The following ZNF500 variants were observed in gnomAD, a reference collection of about 807,000 sequenced individuals.
ZNF500 encodes zinc finger protein with KRAB and SCAN domains 18.
Under a neutral mutation model 30.1 loss-of-function variants are expected in ZNF500, and 31 were observed. That is an observed-to-expected ratio of 1.03 (90% CI 0.77 to 1.39). ZNF500 has a LOEUF of 1.39. ZNF500 is among the 40% of genes most tolerant of loss of function. The pLI is 0.00. For synonymous variants in ZNF500, 392 were observed against 282.0 expected (o/e 1.39, Z -3.91); for missense variants, 817 against 657.8 (o/e 1.24, Z -2.65).
chr16:4,763,924 G>A lies in ZNF500; in HGVS notation c.415-1168C>T, dbSNP rs970762326. On this transcript the variant is annotated intron_variant, in intron 2 of 5. Coordinates refer to ENST00000219478, the MANE Select transcript of ZNF500 (RefSeq NM_021646.4). Reference sequence around the variant, plus strand: ...CCAGCAGCACTGCCACAGGAAGAAAGGCAGCTGGTCAGCACTGCCCATGTG... The same window carrying A: ...CCAGCAGCACTGCCACAGGAAGAAAAGCAGCTGGTCAGCACTGCCCATGTG... The A allele has an allele frequency of 1.0e-5, 10 of 985,332 alleles. No homozygotes were observed. In the South Asian group the frequency reaches 4.7e-4, roughly 46 times the overall value. 61.0% of individuals were successfully genotyped at this position (985,332 alleles called of 1,614,324 possible). A position where few individuals can be genotyped will look rare whatever the true frequency, so the allele number is the denominator to read the frequency against.
Position 4,751,882 on chromosome 16 carries a change from T to TG in ZNF500, c.*493dup. On this transcript the variant is annotated 3_prime_UTR_variant, in exon 6 of 6. Coordinates refer to ENST00000219478, the MANE Select transcript of ZNF500 (RefSeq NM_021646.4). ...ATGATCATGGCACTGTATTCCCGCC[T>TG]GGGGGACACAGCAAGGCCCCGTCTC... The TG allele has an allele frequency of 4.7e-6, 1 of 212,198 alleles. No homozygotes were observed. The highest frequency in any genetic ancestry group is 7.7e-5 in the Admixed American group (1 of 12,912). The allele number at this position is 212,198 out of a possible 1,614,324, so 13.1% of individuals were successfully genotyped here.
Position 4,751,613 on chromosome 16 carries a change from C to T in ZNF500, c.*763G>A, listed in dbSNP as rs977423357. 37 of 1,535,162 alleles carry T rather than the reference C, an allele frequency of 2.4e-5. No homozygotes were observed. Among genetic ancestry groups the T allele is most frequent in the African/African-American group, 4.1e-5 (3 of 73,026 alleles). On this transcript the variant is annotated 3_prime_UTR_variant, in exon 6 of 6. Coordinates refer to ENST00000219478, the MANE Select transcript of ZNF500 (RefSeq NM_021646.4). Reference sequence around the variant, plus strand: ...GTACAGCAGGGCTCCCTGCAGCAGACGAGGGGTCCCTCAAATTCATGTGCA... The same window carrying T: ...GTACAGCAGGGCTCCCTGCAGCAGATGAGGGGTCCCTCAAATTCATGTGCA...
rs776183908 is a variant in ZNF500, at chr16:4,752,797, G to C, written c.1022C>G (p.Thr341Ser). The C allele has an allele frequency of 2.5e-6, 4 of 1,614,142 alleles. No homozygotes were observed. In the African/African-American group the frequency reaches 5.3e-5, roughly 22 times the overall value. Residue 341 changes from threonine (T) to serine (S), a missense_variant, in exon 6 of 6, where the codon ACC becomes AGC. Coordinates refer to ENST00000219478, the MANE Select transcript of ZNF500 (RefSeq NM_021646.4). The part of the protein sequence containing the change: ...GKGFSKTSHL[T>S]KHQRTHTGER... ...GCCCGTGTGTGTGCGCTGGTGCTTGGTCAAGTGGGACGTCTTGCTGAAGCC... is the reference window on the plus strand; with the variant it reads ...GCCCGTGTGTGTGCGCTGGTGCTTGCTCAAGTGGGACGTCTTGCTGAAGCC...
downstream of ZNF500, chr16:4,747,505 C>G: frequency 6.2e-7 from 1 of 1,613,290 alleles, no homozygotes; most frequent in Non-Finnish European, 8.5e-7. Context: ...ACATGAAGCT[C>G]TGTGCCAAGG....
chr16:4,750,520 CG>C lies in ZNF500; in HGVS notation c.*1855del, dbSNP rs1388760170. 6.7e-6 allele frequency: 1 copy of C among 149,112 alleles called. No individual in the cohort carries two copies. Among genetic ancestry groups the C allele is most frequent in the East Asian group, 2.0e-4 (1 of 5,018 alleles). 9.2% of individuals were successfully genotyped at this position (149,112 alleles called of 1,614,324 possible). ...TTTTTTTTTTTTTTGTGTGGAGTCT[CG>C]TTCTATCACCAGGCTGGAGTACAAC... On this transcript the variant is annotated 3_prime_UTR_variant, in exon 6 of 6. Coordinates refer to ENST00000219478, the MANE Select transcript of ZNF500 (RefSeq NM_021646.4).
intron 4 of ZNF500, among the ~76,000 whole-genome samples, chr16:4,762,002 G>A (rs139653241): frequency 0.02 from 3,031 of 152,316 alleles, 44 homozygotes; most frequent in Non-Finnish European, 0.031. Flanking sequence ...CAGCAGAGTA[G>A]GAGTCACCAC....
chr16:4,745,820 G>C (rs1488699142), downstream of ZNF500, among the ~76,000 whole-genome samples: 1 of 152,076 alleles, frequency 6.6e-6, no homozygotes, highest in Non-Finnish European at 1.5e-5. Context: ...AGGCATGTTG[G>C]TGCATGCCTG....
At chr16:4,747,131 C>A (rs1596488602), downstream of ZNF500, 2 of 1,249,986 alleles carry the variant, frequency 1.6e-6, no homozygotes, top group East Asian at 5.0e-5. Flanking sequence ...TCTTGCTGCA[C>A]CCACCGCACA....
chr16:4,762,734 T>C lies in ZNF500; in HGVS notation c.437A>G (p.Asp146Gly). 1.2e-6 allele frequency: 2 copies of C among 1,610,808 alleles called. No homozygotes were observed. The highest frequency in any genetic ancestry group is 2.2e-5 in the South Asian group (2 of 90,658). ...RQRGSELLSD[D>G]EVPLGIGGQF... ...TCCCCCTATCCCGAGGGGCACCTCG[T>C]CATCAGAAAGCAGCTCTGAGCCCTG... Residue 146 changes from aspartate to glycine, a missense_variant, in exon 3 of 6, where the codon GAC (aspartate) becomes GGC (glycine). By Grantham distance (94) the Asp-to-Gly change is moderately conservative. Transcript: ENST00000219478.
downstream of ZNF500, among the ~76,000 whole-genome samples, chr16:4,745,509 G>C (rs2082003672): frequency 6.6e-6 from 1 of 152,216 alleles, no homozygotes; most frequent in African/African-American, 2.4e-5. Context: ...TGGAGGCAGG[G>C]CCCCAGGGTC....
intron 2 of ZNF500, chr16:4,764,136 G>T (rs1018232025): frequency 2.0e-6 from 2 of 979,088 alleles, no homozygotes; most frequent in Non-Finnish European, 1.2e-6. Flanking sequence ...TGTGTCAGAA[G>T]GGTCCTGTCT....
At chr16:4,766,353 G>T (rs2082265412) in intron 1 of ZNF500, among the ~76,000 whole-genome samples, 1 of 152,242 alleles carries the variant, frequency 6.6e-6, no homozygotes, top group Non-Finnish European at 1.5e-5. Context: ...GCTGGGGGCA[G>T]TAGCTGACGC....
intron 5 of ZNF500, among the ~76,000 whole-genome samples, chr16:4,755,484 T>A (rs2082126583): frequency 6.6e-6 from 1 of 151,814 alleles, no homozygotes; most frequent in African/African-American, 2.4e-5. Flanking sequence ...ACCCAGCCAA[T>A]TTTTGTATTT....
chr16:4,760,868 T>C (rs1407279142), intron 4 of ZNF500, among the ~76,000 whole-genome samples: 1 of 152,014 alleles, frequency 6.6e-6, no homozygotes, highest in African/African-American at 2.4e-5. Flanking sequence ...CCGAGGCCCA[T>C]GCTCCACAGG....
At position 4,756,812 on chromosome 16, in the gene ZNF500, G is replaced by A. The variant is rs373172447; in HGVS notation, c.760+3680C>T. Reference sequence around the variant, plus strand: ...ATTACAGACGTGAGACACCGTGCCCGGCCCAAAAATTTTTTCAAAATTAGC... The same window carrying A: ...ATTACAGACGTGAGACACCGTGCCCAGCCCAAAAATTTTTTCAAAATTAGC... On this transcript the variant is annotated intron_variant, in intron 5 of 5. Transcript: ENST00000219478. Among the ~76,000 whole-genome samples the A allele has an allele frequency of 9.2e-5, 14 of 152,042 alleles. No individual in the cohort carries two copies. The South Asian group carries it at 1.0e-3, about 11-fold the overall frequency.
chr16:4,767,132 G>C lies in ZNF500; in HGVS notation c.-214C>G, dbSNP rs2082272212. 1 of 152,348 alleles carries C rather than the reference G, an allele frequency of 6.6e-6. No individual in the cohort carries two copies. The highest frequency in any genetic ancestry group is 1.5e-5 in the Non-Finnish European group (1 of 68,120). 9.4% of individuals were successfully genotyped at this position (152,348 alleles called of 1,614,324 possible). On this transcript the variant is annotated 5_prime_UTR_variant, in exon 1 of 6. Coordinates refer to ENST00000219478, the MANE Select transcript of ZNF500 (RefSeq NM_021646.4). ...CAGGGACGCCAGAGCCGGGGCCGAA[G>C]ACCCTAAACCAGGGGTGCAAACCAG...
At chr16:4,759,111 G>T (rs2082170226) in intron 5 of ZNF500, among the ~76,000 whole-genome samples, 1 of 151,610 alleles carries the variant, frequency 6.6e-6, no homozygotes, top group African/African-American at 2.4e-5. Context: ...TTGGGAGGCT[G>T]AGGCAGGAGA....
chr16:4,765,504 C>A, intron 2 of ZNF500, 61 bp downstream of exon 2: 1 of 1,526,656 alleles, frequency 6.6e-7, no homozygotes, highest in South Asian at 1.3e-5. Flanking sequence ...GAATCTGCAG[C>A]TGCAGACCCC....
At chr16:4,759,173 C>A (rs1197918586) in intron 5 of ZNF500, among the ~76,000 whole-genome samples, 2 of 151,634 alleles carry the variant, frequency 1.3e-5, no homozygotes, top group African/African-American at 4.9e-5. Context: ...TGAGATCGTG[C>A]CACTCCACTC....
Sources: gnomAD v4.1 joint callset for allele counts (sites outside exome capture counted in the v4.1 genomes callset) on GRCh38, gnomAD v4.1.1 for gene constraint, MANE v1.5 for transcripts, NCBI Gene and HGNC (gene_info 2026-07-23, HGNC 2026-07-21) for gene names.